TNC: variants seen among roughly 807,000 people sequenced by gnomAD.
The protein encoded by TNC is tenascin.
TNC carries 109 observed loss-of-function variants against 202.4 expected under a neutral mutation model. The observed-to-expected ratio is 0.54, with a 90% CI of 0.46 to 0.63. TNC has a LOEUF of 0.63. TNC is among the 30% of genes least tolerant of loss of function. The probability of loss-of-function intolerance (pLI) is 0.00; values close to 1 mark genes in which losing one functional copy is unlikely to be tolerated. For synonymous variants in TNC, 1,007 were observed against 1,089.7 expected (o/e 0.92, Z 1.50); for missense variants, 2,756 against 2,833.3 (o/e 0.97, Z 0.62).
At position 115,063,822 on chromosome 9, in the gene TNC, G is replaced by T. The variant is rs746637465; in HGVS notation, c.3734C>A (p.Thr1245Asn). The T allele has an allele frequency of 1.9e-6, 3 of 1,613,834 alleles. No individual in the cohort carries two copies. Among genetic ancestry groups the T allele is most frequent in the South Asian group, 1.1e-5 (1 of 91,062 alleles). The change falls in exon 12 of 28, where the codon ACC (threonine) becomes AAC (asparagine). Residue 1245 changes from threonine (T) to asparagine (N), a missense_variant. Physicochemically the swap from Thr to Asn is moderately conservative, Grantham distance 65. Coordinates refer to ENST00000350763, the MANE Select transcript of TNC (RefSeq NM_002160.4). ...TGTCAAGACTTCAACAGAGAGAGGGGTTGTGCTGAAGTCCTGAGTGACCCC... is the reference window on the plus strand; with the variant it reads ...TGTCAAGACTTCAACAGAGAGAGGGTTTGTGCTGAAGTCCTGAGTGACCCC... ...IRGVTQDFST[T>N]PLSVEVLTEE...
chr9:115,094,478 T>C (rs752643890), intron 1 of TNC, among the ~76,000 whole-genome samples: 3 of 152,260 alleles, frequency 2.0e-5, no homozygotes, highest in Non-Finnish European at 4.4e-5. Context: ...AAGTCTCCTT[T>C]GTGGATGAAC....
Position 115,090,565 on chromosome 9 carries a change from T to A in TNC, c.454A>T (p.Thr152Ser). ...AGAGCCLQPA[T>S]GRLDTRPFCS... Reference sequence around the variant, plus strand: ...TGGGCGGGCCACCAGCTCATACCTGTGGCAGGCTGGAGACAGCAGCCTGCT... The same window carrying A: ...TGGGCGGGCCACCAGCTCATACCTGAGGCAGGCTGGAGACAGCAGCCTGCT... Residue 152 changes from threonine (T) to serine (S), a missense_variant, in exon 2 of 28, where the codon ACA (threonine) becomes TCA (serine). Transcript: ENST00000350763. The A allele has an allele frequency of 6.4e-7, 1 of 1,568,308 alleles. No individual in the cohort carries two copies. The highest frequency in any genetic ancestry group is 2.2e-5 in the East Asian group (1 of 44,510).
intron 17 of TNC, among the ~76,000 whole-genome samples, chr9:115,045,564 C>CTTTTT (rs1831119234): frequency 7.3e-6 from 1 of 137,718 alleles, no homozygotes; most frequent in Non-Finnish European, 1.5e-5. Flanking sequence ...TTTTTTTTTG[C>CTTTTT]ACAGGTAGGG....
chr9:115,076,100 T>C lies in TNC; in HGVS notation c.2882A>G (p.Tyr961Cys). The part of the protein sequence containing the change: ...TLTGLRPGTE[Y>C]GIGVSAVKED... Reference sequence around the variant, plus strand: ...CTTCACAGCAGAAACTCCAATCCCATATTCAGTTCCCGGCCTCAGACCTAA... The same window carrying C: ...CTTCACAGCAGAAACTCCAATCCCACATTCAGTTCCCGGCCTCAGACCTAA... The change falls in exon 9 of 28, where the codon TAT becomes TGT. Residue 961 changes from tyrosine to cysteine, a missense_variant. Transcript: ENST00000350763. 6.2e-7 allele frequency: 1 copy of C among 1,614,156 alleles called. No homozygotes were observed. Among genetic ancestry groups the C allele is most frequent in the Non-Finnish European group, 8.5e-7 (1 of 1,180,010 alleles).
chr9:115,047,496 T>C (rs1314011697), intron 16 of TNC, among the ~76,000 whole-genome samples: 1 of 152,144 alleles, frequency 6.6e-6, no homozygotes, highest in Non-Finnish European at 1.5e-5. Flanking sequence ...GTTTGGAAAA[T>C]ACTGCCTGGA....
At chr9:115,024,184 C>T (rs1438677090) in intron 26 of TNC, 48 bp from the exon 27 acceptor site, 1 of 1,593,068 alleles carries the variant, frequency 6.3e-7, no homozygotes, top group Non-Finnish European at 8.6e-7. Context: ...GCTGAAATTT[C>T]CCTCCTGGAC....
In TNC at chr9:115,059,828, T is replaced by A; in HGVS notation, c.4208A>T (p.Asp1403Val). 6.2e-7 allele frequency: 1 copy of A among 1,614,052 alleles called. No homozygotes were observed. Among genetic ancestry groups the A allele is most frequent in the Non-Finnish European group, 8.5e-7 (1 of 1,179,992 alleles). ...CGTGGCAGCCTCGAGGCCCGGGATG[T>A]CCACAGCCCTGAGGCTGCCAGGCAA... ...LTLPGSLRAVDIPGLEAATPY... is the reference protein window; with the variant it reads ...LTLPGSLRAVVIPGLEAATPY... The change falls in exon 14 of 28, where the codon GAC becomes GTC. Residue 1403 changes from aspartate (D) to valine (V), a missense_variant. This residue lies in a region of TNC where 2,559 missense variants were observed against 2,546.0 expected (regional missense o/e 1.01). Coordinates refer to ENST00000350763, the MANE Select transcript of TNC (RefSeq NM_002160.4).
rs1347599439 is a variant in TNC, at chr9:115,076,097, C to T, written c.2885G>A (p.Gly962Glu). The T allele has an allele frequency of 6.2e-7, 1 of 1,614,086 alleles. No individual in the cohort carries two copies. The highest frequency in any genetic ancestry group is 8.5e-7 in the Non-Finnish European group (1 of 1,180,006). The change falls in exon 9 of 28, where the codon GGG becomes GAG. Residue 962 changes from glycine (G) to glutamate (E), a missense_variant. By Grantham distance (98) the Gly-to-Glu change is moderately conservative (BLOSUM62 -2). Coordinates refer to ENST00000350763, the MANE Select transcript of TNC (RefSeq NM_002160.4). ...TTCCTTCACAGCAGAAACTCCAATC[C>T]CATATTCAGTTCCCGGCCTCAGACC... The part of the protein sequence containing the change: ...LTGLRPGTEY[G>E]IGVSAVKEDK...
chr9:115,044,427 G>A (rs910668888), intron 17 of TNC, among the ~76,000 whole-genome samples: 57 of 150,534 alleles, frequency 3.8e-4, no homozygotes, highest in Non-Finnish European at 4.7e-4. Context: ...AAGCACGCAC[G>A]CGCATGGGCA....
chr9:115,048,326 C>T lies in TNC; in HGVS notation c.4786G>A (p.Glu1596Lys). 6.2e-7 allele frequency: 1 copy of T among 1,614,088 alleles called. No homozygotes were observed. Among genetic ancestry groups the T allele is most frequent in the East Asian group, 2.2e-5 (1 of 44,872 alleles). Residue 1596 changes from glutamate to lysine, a missense_variant, in exon 16 of 28, where the codon GAG becomes AAG. Physicochemically the swap from Glu to Lys is moderately conservative, Grantham distance 56 (BLOSUM62 1). Transcript: ENST00000350763. The stretch of plus-strand genomic sequence containing the variant: ...TGGGTGAAGCCAGAGACCATAACCT[C>T]ATAGCCAATGCCAGTTATGAGGCCT... ...LRGLITGIGY[E>K]VMVSGFTQGH...
rs888312307 is a variant in TNC at position 115,020,163 on chromosome 9, C to T, written c.*994G>A. On this transcript the variant is annotated 3_prime_UTR_variant, in exon 28 of 28. Transcript: ENST00000350763. Reference sequence around the variant, plus strand: ...TCCAGTGATTTTCCTACCTCAGCCTCCTGAGTAGCTGGGACGACAGGTGCG... The same window carrying T: ...TCCAGTGATTTTCCTACCTCAGCCTTCTGAGTAGCTGGGACGACAGGTGCG... The T allele has an allele frequency of 4.6e-5, 7 of 152,086 alleles. No individual in the cohort carries two copies. Among genetic ancestry groups the T allele is most frequent in the Non-Finnish European group, 1.0e-4 (7 of 68,196 alleles). 9.4% of individuals were successfully genotyped at this position (152,086 alleles called of 1,614,324 possible).
intron 10 of TNC, among the ~76,000 whole-genome samples, chr9:115,065,121 C>T (rs1028634171): frequency 1.3e-5 from 2 of 152,276 alleles, no homozygotes; most frequent in African/African-American, 4.8e-5. Flanking sequence ...TGTGGCCGGG[C>T]ATGGTGGCTC....
At chr9:115,057,091 G>T (rs1832181946) in intron 15 of TNC, 62 bp downstream of exon 15, 1 of 1,539,736 alleles carries the variant, frequency 6.5e-7, no homozygotes, top group African/African-American at 1.4e-5. Flanking sequence ...AGAAGGAGAG[G>T]CTTCACCCTG....
chr9:115,086,017 G>T lies in TNC; in HGVS notation c.1714C>A (p.Arg572Ser), dbSNP rs999968469. The T allele has an allele frequency of 1.4e-5, 23 of 1,613,952 alleles. No individual in the cohort carries two copies. The highest frequency in any genetic ancestry group is 1.7e-5 in the Admixed American group (1 of 59,984). The change falls in exon 3 of 28, where the codon CGC becomes AGC. Residue 572 changes from arginine to serine, a missense_variant. Physicochemically the swap from Arg to Ser is moderately radical, Grantham distance 110. Transcript: ENST00000350763. ...CAGATGCACTGGCCGTCCACGCAGC[G>T]GCCCTGGCCATGACAGTCACTGGGA... ...RCPSDCHGQG[R>S]CVDGQCICHE... is the part of the protein sequence containing the mutation.
At chr9:115,023,906 T>C in intron 27 of TNC, 67 bp downstream of exon 27, 1 of 1,540,112 alleles carries the variant, frequency 6.5e-7, no homozygotes, top group Non-Finnish European at 8.9e-7. Context: ...GGAGTTAAAT[T>C]GTACTTCCAT....
rs368349567 is a variant in TNC, at chr9:115,035,229, T to C, written c.5762A>G (p.Tyr1921Cys). ...CTTGACTGTGCCATCCACTGATTCA[T>C]AGACCAGCAGGTAACCGGTGACTGA... Reference protein sequence around the residue: ...RASVTGYLLVYESVDGTVKEV... With the variant: ...RASVTGYLLVCESVDGTVKEV... The change falls in exon 22 of 28, where the codon TAT (tyrosine) becomes TGT (cysteine). Residue 1921 changes from tyrosine to cysteine, a missense_variant. This residue lies in a region of TNC where 2,559 missense variants were observed against 2,546.0 expected (regional missense o/e 1.01). Coordinates refer to ENST00000350763, the MANE Select transcript of TNC (RefSeq NM_002160.4). 1.3e-5 allele frequency: 21 copies of C among 1,613,174 alleles called. No individual in the cohort carries two copies. Among genetic ancestry groups the C allele is most frequent in the Middle Eastern group, 3.3e-4 (2 of 6,054 alleles).
chr9:115,085,806 A>G, intron 3 of TNC, 58 bp downstream of exon 3: 1 of 1,490,418 alleles, frequency 6.7e-7, no homozygotes, highest in Non-Finnish European at 9.1e-7. Flanking sequence ...TTTCCAACCC[A>G]TACTAGGAGT....
chr9:115,025,071 A>C (rs901892807), intron 26 of TNC, among the ~76,000 whole-genome samples: 3 of 152,214 alleles, frequency 2.0e-5, no homozygotes, highest in Non-Finnish European at 2.9e-5. Flanking sequence ...GGTGCAGCCA[A>C]ATCACACAAG....
intron 17 of TNC, among the ~76,000 whole-genome samples, chr9:115,046,068 A>G (rs1831169489): frequency 6.9e-6 from 1 of 144,996 alleles, no homozygotes; most frequent in African/African-American, 2.5e-5. Context: ...AATCTTTGGA[A>G]CGTAAAAAAA....
Sources: allele counts gnomAD v4.1 joint callset (sites outside exome capture counted in the v4.1 genomes callset), GRCh38; gene constraint gnomAD v4.1.1; regional missense constraint gnomAD v4.1.1; transcripts MANE v1.5; gene names NCBI Gene and HGNC (gene_info 2026-07-23, HGNC 2026-07-21).